Variants in NECTIN3 observed in about 807,000 individuals in gnomAD.
The protein encoded by NECTIN3 is nectin cell adhesion molecule 3.
In NECTIN3, 8 loss-of-function variants were observed where a neutral mutation model predicts 49.4. The ratio of observed to expected loss-of-function variants is 0.16; its 90% CI spans 0.10 to 0.29. The LOEUF is 0.29. Among genes scored for constraint, NECTIN3 ranks in the 10% least tolerant of loss-of-function variants. NECTIN3 has a pLI of 1.00. For synonymous variants in NECTIN3, 277 were observed against 241.1 expected, an observed-to-expected ratio of 1.15 and a Z score of -1.38; for missense variants, 581 against 654.6, an observed-to-expected ratio of 0.89 and a Z score of 1.23.
intron 7 of NECTIN3, among the ~76,000 whole-genome samples, chr3:111,174,617 T>C (rs991902582): frequency 2.0e-5 from 3 of 151,426 alleles, no homozygotes; most frequent in Admixed American, 6.6e-5. Flanking sequence ...ATGTCTACAG[T>C]GTGCTGGGTA....
At chr3:111,091,499 G>A (rs529666272) in intron 1 of NECTIN3, among the ~76,000 whole-genome samples, 6 of 152,150 alleles carry the variant, frequency 3.9e-5, no homozygotes, top group Non-Finnish European at 8.8e-5. Context: ...TGATTCACCC[G>A]CCTCGGCCTC....
rs148287274 is a variant in NECTIN3, at chr3:111,137,477, T to A, written c.*3262T>A. On this transcript the variant is annotated 3_prime_UTR_variant, in exon 6 of 6. Coordinates refer to ENST00000485303, the MANE Select transcript of NECTIN3 (RefSeq NM_015480.3). ...TTTGTTTTGTTTTGTTTTTTCTTTT[T>A]TAACCAACCTGTGTATTAGGTGTTA... is the stretch of plus-strand genomic sequence containing the variant. 725 of 965,800 alleles carry A rather than the reference T, an allele frequency of 7.5e-4. 6 individuals carry two copies. The African/African-American group carries it at 0.014, about 19-fold the overall frequency. The allele number at this position is 965,800 out of a possible 1,614,324, so 59.8% of individuals were successfully genotyped here.
chr3:111,172,718 T>C (rs1043973471), intron 7 of NECTIN3, among the ~76,000 whole-genome samples: 30 of 152,200 alleles, frequency 2.0e-4, no homozygotes, highest in Non-Finnish European at 1.3e-4. Flanking sequence ...GGTGAATATT[T>C]TTCCTATTGG....
At chr3:111,132,564 A>T (rs2034432516) in intron 5 of NECTIN3, among the ~76,000 whole-genome samples, 1 of 151,920 alleles carries the variant, frequency 6.6e-6, no homozygotes, top group Non-Finnish European at 1.5e-5. Context: ...CAAACTCTAC[A>T]GTTTTGTGTT....
intron 7 of NECTIN3, among the ~76,000 whole-genome samples, chr3:111,161,387 C>T (rs2035209549): frequency 6.6e-6 from 1 of 152,078 alleles, no homozygotes; most frequent in Admixed American, 6.5e-5. Context: ...CTCAAGGATG[C>T]CAGATCTCCC....
intron 6 of NECTIN3, among the ~76,000 whole-genome samples, chr3:111,145,651 T>G (rs556557031): frequency 1.5e-3 from 233 of 152,306 alleles, no homozygotes; most frequent in African/African-American, 5.4e-3. Context: ...ATCAACAGCT[T>G]TGTTGCTTCA....
intron 5 of NECTIN3, among the ~76,000 whole-genome samples, chr3:111,143,102 A>T (rs1000538401): frequency 6.6e-6 from 1 of 151,874 alleles, no homozygotes; most frequent in South Asian, 2.1e-4. Flanking sequence ...TCAAAGTTAT[A>T]ATCTATATGG....
chr3:111,074,333 A>AT, intron 1 of NECTIN3: 1 of 407,966 alleles, frequency 2.5e-6, no homozygotes, highest in Admixed American at 2.6e-5. Context: ...TACTGCTTAC[A>AT]AGGTTTGGCA....
Position 111,112,088 on chromosome 3 carries a change from T to C in NECTIN3, c.219T>C (p.Asn73=). 1 of 1,613,804 alleles carries C rather than the reference T, an allele frequency of 6.2e-7. No homozygotes were observed. Among genetic ancestry groups the C allele is most frequent in the Middle Eastern group, 1.7e-4 (1 of 6,060 alleles). Reference sequence around the variant, plus strand: ...ATGTCACAGCAGTATGGGGAAAGAATGTTTCATTAAAGTGTTTAATTGAAG... The same window carrying C: ...ATGTCACAGCAGTATGGGGAAAGAACGTTTCATTAAAGTGTTTAATTGAAG... ...EPHVTAVWGK[N]VSLKCLIEVN... Residue 73 remains asparagine, a synonymous_variant, in exon 2 of 6, where the codon AAT becomes AAC. Transcript: ENST00000485303.
In NECTIN3 at chr3:111,137,509, A is replaced by G. The variant is rs536375733; in HGVS notation, c.*3294A>G. ...ACCTGTGTATTAGGTGTTAGCCCCA[A>G]TAGCCATGCATGAAATCTTTAAATA... is the stretch of plus-strand genomic sequence containing the variant. On this transcript the variant is annotated 3_prime_UTR_variant, in exon 6 of 6. Coordinates refer to ENST00000485303, the MANE Select transcript of NECTIN3 (RefSeq NM_015480.3). 60 of 888,804 alleles carry G rather than the reference A, an allele frequency of 6.8e-5. No homozygotes were observed. In the African/African-American group the frequency reaches 2.0e-3, roughly 30 times the overall value. The allele number at this position is 888,804 out of a possible 1,614,324, so 55.1% of individuals were successfully genotyped here. A position where few individuals can be genotyped will look rare whatever the true frequency, so the allele number is the denominator to read the frequency against.
intron 7 of NECTIN3, among the ~76,000 whole-genome samples, chr3:111,159,532 G>A (rs1445078464): frequency 6.6e-6 from 1 of 151,916 alleles, no homozygotes; most frequent in African/African-American, 2.4e-5. Context: ...GTGATATTAT[G>A]AGTTACCTAA....
At chr3:111,146,877 T>C (rs1467290919) in intron 6 of NECTIN3, among the ~76,000 whole-genome samples, 1 of 152,150 alleles carries the variant, frequency 6.6e-6, no homozygotes, top group Non-Finnish European at 1.5e-5. Context: ...AAAAAATAAA[T>C]GTGTTCCCTA....
At chr3:111,072,967 G>C (rs1173833713) in intron 1 of NECTIN3, 1 of 155,060 alleles carries the variant, frequency 6.4e-6, no homozygotes, top group African/African-American at 2.5e-5. Context: ...TTGGGAGTTA[G>C]TCTCTGAGTT....
chr3:111,094,246 CTTATT>C (rs1259034686), intron 1 of NECTIN3, among the ~76,000 whole-genome samples: 1 of 151,710 alleles, frequency 6.6e-6, no homozygotes, highest in Admixed American at 6.6e-5. Flanking sequence ...TGTCTATTGA[CTTATT>C]TTATATTTAC....
downstream of NECTIN3, among the ~76,000 whole-genome samples, chr3:111,142,047 T>C (rs868694568): frequency 1.3e-5 from 2 of 151,904 alleles, no homozygotes; most frequent in Non-Finnish European, 2.9e-5. Flanking sequence ...CTATTTGGGC[T>C]GAGATATGTG....
At chr3:111,126,655 TTACAC>T (rs1233356418) in intron 5 of NECTIN3, among the ~76,000 whole-genome samples, 2 of 152,172 alleles carry the variant, frequency 1.3e-5, no homozygotes, top group African/African-American at 4.8e-5. Flanking sequence ...TCTTTTATCT[TTACAC>T]TAAGAACAAA....
chr3:111,125,569 A>G (rs777805821), intron 4 of NECTIN3, among the ~76,000 whole-genome samples: 2 of 152,262 alleles, frequency 1.3e-5, no homozygotes, highest in Admixed American at 6.5e-5. Context: ...TTAAAGAGTT[A>G]TTATTGATAC....
chr3:111,169,530 A>C (rs1286383879), intron 7 of NECTIN3, among the ~76,000 whole-genome samples: 1 of 152,114 alleles, frequency 6.6e-6, no homozygotes, highest in African/African-American at 2.4e-5. Flanking sequence ...GATAAGTAAA[A>C]TGCACTGTCA....
chr3:111,169,440 A>C (rs2107525730), intron 7 of NECTIN3, among the ~76,000 whole-genome samples: 1 of 151,334 alleles, frequency 6.6e-6, no homozygotes, highest in Non-Finnish European at 1.5e-5. Flanking sequence ...GTTTTAAATC[A>C]AAATTTGACA....
Sources: gnomAD v4.1 joint callset for allele counts (sites outside exome capture counted in the v4.1 genomes callset) on GRCh38, gnomAD v4.1.1 for gene constraint, MANE v1.5 for transcripts, NCBI Gene and HGNC (gene_info 2026-07-23, HGNC 2026-07-21) for gene names.